Variants in SPPL3 observed in about 807,000 individuals in gnomAD.
The protein encoded by SPPL3 is signal peptide peptidase like 3.
SPPL3 carries 5 observed loss-of-function variants against 42.4 expected under a neutral mutation model. The ratio of observed to expected loss-of-function variants is 0.12; its 90% CI spans 0.06 to 0.25. The LOEUF (loss-of-function observed/expected upper bound fraction) is 0.25. Ranked by LOEUF, SPPL3 falls within the 10% of genes least tolerant of loss-of-function variation. The pLI, the probability that SPPL3 is intolerant of heterozygous loss-of-function variation, is 1.00. For missense variants in SPPL3, 235 were observed against 489.0 expected, an observed-to-expected ratio of 0.48 and a Z score of 4.90; for synonymous variants, 195 against 181.8, an observed-to-expected ratio of 1.07 and a Z score of -0.58.
chr12:120,767,235 C>T (rs1487898083), intron 9 of SPPL3, among the ~76,000 whole-genome samples, 159 bp downstream of exon 9: 1 of 152,166 alleles, frequency 6.6e-6, no homozygotes, highest in Non-Finnish European at 1.5e-5. Flanking sequence ...ATCCAGTACA[C>T]AAAACACTTA....
At chr12:120,875,558 G>C (rs1167124786) in intron 1 of SPPL3, among the ~76,000 whole-genome samples, 1 of 151,864 alleles carries the variant, frequency 6.6e-6, no homozygotes, top group Admixed American at 6.6e-5. Context: ...GAACCCCTGA[G>C]GTGAAGGTTG....
chr12:120,843,769 A>C (rs565406390), intron 1 of SPPL3, among the ~76,000 whole-genome samples: 2 of 152,230 alleles, frequency 1.3e-5, no homozygotes, highest in East Asian at 3.9e-4. Flanking sequence ...CCTGGCCAAC[A>C]AGTTGAAACC....
chr12:120,785,815 TAA>T (rs5801402), intron 3 of SPPL3, among the ~76,000 whole-genome samples: 211 of 133,714 alleles, frequency 1.6e-3, no homozygotes, highest in Admixed American at 2.3e-3. Flanking sequence ...TACAGAAAAT[TAA>T]AAAAAAAAAA....
chr12:120,767,704 C>T (rs1017935958), intron 8 of SPPL3, 111 bp from the exon 9 acceptor site: 6 of 1,063,442 alleles, frequency 5.6e-6, no homozygotes, highest in Middle Eastern at 2.6e-4. Context: ...ATCTGCATGG[C>T]AGATGGAAAT....
intron 1 of SPPL3, among the ~76,000 whole-genome samples, chr12:120,873,217 GA>G: frequency 6.6e-6 from 1 of 152,294 alleles, no homozygotes; most frequent in Non-Finnish European, 1.5e-5. Flanking sequence ...ACCCCCTGCA[GA>G]AGGAAAGATG....
intron 1 of SPPL3, among the ~76,000 whole-genome samples, chr12:120,852,051 T>A (rs575243974): frequency 6.6e-6 from 1 of 151,842 alleles, no homozygotes; most frequent in East Asian, 1.9e-4. Context: ...TTGTATGATA[T>A]CTAACAGATG....
In SPPL3 at chr12:120,785,387, T is replaced by TA. The variant is rs1869687868; in HGVS notation, c.191-795dup. Among the ~76,000 whole-genome samples, 5 of 152,238 alleles carry TA rather than the reference T, an allele frequency of 3.3e-5. No individual in the cohort carries two copies. The South Asian group carries it at 8.3e-4, about 25-fold the overall frequency. ...AATTCTTGGCTTCCCATTAGAGCTT[T>TA]AAAAAAATTACAAAGCCCAGGTCCA... On this transcript the variant is annotated intron_variant, in intron 3 of 10. Coordinates refer to ENST00000353487, the MANE Select transcript of SPPL3 (RefSeq NM_139015.5).
chr12:120,869,552 G>A lies in SPPL3; in HGVS notation c.23+34293C>T, dbSNP rs188966869. ...CTCTACTATGGTGCCAAACAAAAAT[G>A]TTCTCATGAATTTCAAAAATGCACA... On this transcript the variant is annotated intron_variant, in intron 1 of 10. Coordinates refer to ENST00000353487, the MANE Select transcript of SPPL3 (RefSeq NM_139015.5). Among the ~76,000 whole-genome samples, 230 of 152,228 alleles carry A rather than the reference G, an allele frequency of 1.5e-3. 1 individual carries two copies. The highest frequency in any genetic ancestry group is 1.9e-3 in the Non-Finnish European group (126 of 68,014).
At chr12:120,879,345 G>A (rs564018031) in intron 1 of SPPL3, among the ~76,000 whole-genome samples, 3 of 151,954 alleles carry the variant, frequency 2.0e-5, no homozygotes, top group East Asian at 1.9e-4. Context: ...AGAATTCTAC[G>A]GACTGATTCT....
chr12:120,764,045 G>C lies in SPPL3; in HGVS notation c.*954C>G, dbSNP rs1868778679. Reference sequence around the variant, plus strand: ...CTAGAAAAGAAAGAAAGGGCCAAAAGGTTTGAACTCTTCATCCCTAATTTG... The same window carrying C: ...CTAGAAAAGAAAGAAAGGGCCAAAACGTTTGAACTCTTCATCCCTAATTTG... On this transcript the variant is annotated 3_prime_UTR_variant, in exon 11 of 11. Transcript: ENST00000353487. 6.6e-6 allele frequency: 1 copy of C among 152,618 alleles called. No homozygotes were observed. The highest frequency in any genetic ancestry group is 2.4e-5 in the African/African-American group (1 of 41,434). The allele number at this position is 152,618 out of a possible 1,614,324, so 9.5% of individuals were successfully genotyped here.
intron 1 of SPPL3, among the ~76,000 whole-genome samples, chr12:120,851,937 T>C (rs1872238260): frequency 6.6e-6 from 1 of 152,228 alleles, no homozygotes; most frequent in African/African-American, 2.4e-5. Context: ...GTACTGCTTT[T>C]ATTTCACAGC....
rs969403388 is a variant in SPPL3, at chr12:120,891,367, T to C, written c.23+12478A>G. Among the ~76,000 whole-genome samples, 8 of 152,156 alleles carry C rather than the reference T, an allele frequency of 5.3e-5. No individual in the cohort carries two copies. The East Asian group carries it at 1.3e-3, about 26-fold the overall frequency. ...GGTGTTATTTAATTCTGACCTAAGA[T>C]TGAGGCACTGCTATATCTATTAACT... On this transcript the variant is annotated intron_variant, in intron 1 of 10. Coordinates refer to ENST00000353487, the MANE Select transcript of SPPL3 (RefSeq NM_139015.5).
Position 120,767,296 on chromosome 12 carries a change from C to A in SPPL3, c.973+98G>T, listed in dbSNP as rs141542792. The A allele has an allele frequency of 9.9e-6, 13 of 1,317,112 alleles. No individual in the cohort carries two copies. The African/African-American group carries it at 1.6e-4, about 16-fold the overall frequency. 81.6% of individuals were successfully genotyped at this position (1,317,112 alleles called of 1,614,324 possible). ...TACAGCACCCAGAATTCCTGCTCTC[C>A]TTCCATCCAGTAACTGTAGCTAGAA... On this transcript the variant is annotated intron_variant, in intron 9 of 10. Coordinates refer to ENST00000353487, the MANE Select transcript of SPPL3 (RefSeq NM_139015.5).
At chr12:120,903,272 T>TC (rs113992016) in intron 1 of SPPL3, 136,199 of 152,350 alleles carry the variant, frequency 0.89, 61,909 homozygotes, top group East Asian at 1. Flanking sequence ...TCGTGGACTC[T>TC]ACCCCCGCAG....
At chr12:120,772,096 A>G (rs941042520) in intron 6 of SPPL3, among the ~76,000 whole-genome samples, 2 of 152,130 alleles carry the variant, frequency 1.3e-5, no homozygotes, top group Non-Finnish European at 2.9e-5. Context: ...ATCTCAGCTT[A>G]CTGCAGCTTC....
chr12:120,803,161 G>C (rs531262878), intron 2 of SPPL3, among the ~76,000 whole-genome samples: 1 of 152,192 alleles, frequency 6.6e-6, no homozygotes, highest in Non-Finnish European at 1.5e-5. Context: ...AAATCTGGCT[G>C]CTACAAAGCT....
chr12:120,873,103 A>T (rs1872978058), intron 1 of SPPL3, among the ~76,000 whole-genome samples: 2 of 152,246 alleles, frequency 1.3e-5, no homozygotes, highest in Admixed American at 6.5e-5. Flanking sequence ...TGTGATGTGG[A>T]AAGGAGACAA....
At chr12:120,801,959 A>G (rs765761250) in intron 2 of SPPL3, among the ~76,000 whole-genome samples, 13 of 152,226 alleles carry the variant, frequency 8.5e-5, no homozygotes, top group Admixed American at 3.3e-4. Flanking sequence ...TACAGACACT[A>G]TATCAAGAAG....
chr12:120,787,811 CTTT>C (rs1246250655), intron 3 of SPPL3, among the ~76,000 whole-genome samples: 5 of 152,122 alleles, frequency 3.3e-5, no homozygotes, highest in African/African-American at 7.2e-5. Context: ...TGTCTGGCTT[CTTT>C]GACTCAATAT....
Sources: allele counts gnomAD v4.1 joint callset (sites outside exome capture counted in the v4.1 genomes callset), GRCh38; gene constraint gnomAD v4.1.1; transcripts MANE v1.5; gene names NCBI Gene and HGNC (gene_info 2026-07-23, HGNC 2026-07-21).